RBMS3: variants seen among roughly 807,000 people sequenced by gnomAD.
RBMS3 encodes the protein RNA-binding motif, single-stranded-interacting protein 3.
A neutral mutation model predicts 66.8 loss-of-function variants in RBMS3; 27 were observed. The ratio of observed to expected loss-of-function variants is 0.40; its 90% CI spans 0.30 to 0.56. RBMS3 has a LOEUF of 0.56. Among genes scored for constraint, RBMS3 ranks in the 20% least tolerant of loss-of-function variants. The pLI, the probability that RBMS3 is intolerant of heterozygous loss-of-function variation, is 0.40. For missense variants in RBMS3, 513 were observed against 549.5 expected, an observed-to-expected ratio of 0.93 and a Z score of 0.66; for synonymous variants, 188 against 183.0, an observed-to-expected ratio of 1.03 and a Z score of -0.22.
chr3:29,976,852 G>A (rs1486964971), intron 12 of RBMS3, among the ~76,000 whole-genome samples: 3 of 145,738 alleles, frequency 2.1e-5, no homozygotes, highest in Admixed American at 1.3e-4. Context: ...CAAAAGTGTG[G>A]AATACCTCTG....
At chr3:29,629,776 A>G (rs879430925) in intron 4 of RBMS3, among the ~76,000 whole-genome samples, 3 of 152,104 alleles carry the variant, frequency 2.0e-5, no homozygotes, top group Non-Finnish European at 4.4e-5. Flanking sequence ...ATGTTAACTC[A>G]GAAACTAATT....
intron 3 of RBMS3, among the ~76,000 whole-genome samples, chr3:29,536,714 A>G (rs1200612930): frequency 6.6e-6 from 1 of 152,234 alleles, no homozygotes; most frequent in African/African-American, 2.4e-5. Context: ...TTTTCCAGGC[A>G]GGCCAATTAA....
chr3:29,717,244 A>G (rs775911286), intron 4 of RBMS3, among the ~76,000 whole-genome samples: 1 of 152,124 alleles, frequency 6.6e-6, no homozygotes, highest in Non-Finnish European at 1.5e-5. Flanking sequence ...TAAGTGCTCA[A>G]TAAAGAGTTG....
At chr3:29,495,321 A>C (rs1219155197) in intron 3 of RBMS3, among the ~76,000 whole-genome samples, 1 of 151,860 alleles carries the variant, frequency 6.6e-6, no homozygotes, top group Non-Finnish European at 1.5e-5. Context: ...TAGGCCATAC[A>C]CTTGGATGAC....
intron 4 of RBMS3, among the ~76,000 whole-genome samples, chr3:29,622,843 G>A (rs2048913344): frequency 6.6e-6 from 1 of 152,180 alleles, no homozygotes; most frequent in Non-Finnish European, 1.5e-5. Context: ...TCCCGGACAG[G>A]AGCGGTGGCT....
At chr3:29,518,531 G>C (rs1305261644) in intron 3 of RBMS3, among the ~76,000 whole-genome samples, 1 of 152,104 alleles carries the variant, frequency 6.6e-6, no homozygotes, top group Non-Finnish European at 1.5e-5. Context: ...ATTATTAAAG[G>C]TGCATCCTTT....
intron 12 of RBMS3, among the ~76,000 whole-genome samples, chr3:29,974,866 A>G (rs1026063134): frequency 1.9e-4 from 27 of 143,404 alleles, no homozygotes; most frequent in Non-Finnish European, 3.2e-4. Flanking sequence ...ATACGTTTCT[A>G]TATTTATATA....
intron 4 of RBMS3, among the ~76,000 whole-genome samples, chr3:29,728,992 A>T (rs1425649225): frequency 2.0e-5 from 3 of 151,990 alleles, no homozygotes; most frequent in Admixed American, 6.6e-5. Context: ...ATATATATAT[A>T]TTTTATTATA....
At chr3:29,518,737 G>A (rs902350823) in intron 3 of RBMS3, among the ~76,000 whole-genome samples, 1 of 152,092 alleles carries the variant, frequency 6.6e-6, no homozygotes, top group Non-Finnish European at 1.5e-5. Flanking sequence ...TGAAGGCAGA[G>A]GTCTACTTAT....
intron 14 of RBMS3, among the ~76,000 whole-genome samples, chr3:29,999,226 C>A (rs538498966): frequency 4.9e-4 from 75 of 152,260 alleles, no homozygotes; most frequent in African/African-American, 1.7e-3. Flanking sequence ...TCATGTTACA[C>A]CAGTTAGAAT....
At position 29,580,857 on chromosome 3, in the gene RBMS3, G is replaced by T. The variant is rs1423566060; in HGVS notation, c.308-6257G>T. Reference sequence around the variant, plus strand: ...TGGAATATGAGGGGACTCCAGTGGAGCAACCTGTTTTCTGTATAGTGGATA... The same window carrying T: ...TGGAATATGAGGGGACTCCAGTGGATCAACCTGTTTTCTGTATAGTGGATA... On this transcript the variant is annotated intron_variant, in intron 3 of 14. Coordinates refer to ENST00000383767, the MANE Select transcript of RBMS3 (RefSeq NM_001003793.3). Among the ~76,000 whole-genome samples the T allele has an allele frequency of 3.9e-5, 6 of 152,218 alleles. No homozygotes were observed. In the South Asian group the frequency reaches 8.3e-4, roughly 21 times the overall value.
At chr3:29,984,895 G>C (rs1437123061) in intron 12 of RBMS3, among the ~76,000 whole-genome samples, 2 of 152,170 alleles carry the variant, frequency 1.3e-5, no homozygotes, top group African/African-American at 4.8e-5. Context: ...ACCCACTTGA[G>C]GGACCCACTT....
In RBMS3 at chr3:30,005,438, G is replaced by T. The variant is rs1699781693; in HGVS notation, c.*1576G>T. The T allele has an allele frequency of 6.6e-6, 1 of 151,824 alleles. No individual in the cohort carries two copies. Among genetic ancestry groups the T allele is most frequent in the African/African-American group, 2.4e-5 (1 of 41,370 alleles). The allele number at this position is 151,824 out of a possible 1,614,324, so 9.4% of individuals were successfully genotyped here. ...AACCAAGATGCTTATTTAACAGGTG[G>T]AATATTCTTTATATGAAATTTCAGC... On this transcript the variant is annotated 3_prime_UTR_variant, in exon 15 of 15. Coordinates refer to ENST00000383767, the MANE Select transcript of RBMS3 (RefSeq NM_001003793.3).
At chr3:29,630,320 G>A (rs1026449843) in intron 4 of RBMS3, among the ~76,000 whole-genome samples, 2 of 152,028 alleles carry the variant, frequency 1.3e-5, no homozygotes, top group African/African-American at 4.8e-5. Flanking sequence ...GTTCAAGTTA[G>A]GAGAATTTTA....
At chr3:29,450,703 G>A (rs1200183315) in intron 2 of RBMS3, among the ~76,000 whole-genome samples, 1 of 151,970 alleles carries the variant, frequency 6.6e-6, no homozygotes, top group Non-Finnish European at 1.5e-5. Flanking sequence ...CCTGATGAAA[G>A]GTATGTATCC....
chr3:29,353,609 T>C (rs1383551614), intron 1 of RBMS3, among the ~76,000 whole-genome samples: 1 of 152,082 alleles, frequency 6.6e-6, no homozygotes, highest in Non-Finnish European at 1.5e-5. Flanking sequence ...CATCATGGAA[T>C]CTCTGTATAG....
intron 11 of RBMS3, among the ~76,000 whole-genome samples, chr3:29,938,385 T>A (rs2149692864): frequency 6.6e-6 from 1 of 152,070 alleles, no homozygotes; most frequent in East Asian, 1.9e-4. Context: ...TCCACTAGCT[T>A]TTTTCTTTTC....
chr3:29,575,159 C>A (rs112125139), intron 3 of RBMS3, among the ~76,000 whole-genome samples: 6,000 of 152,206 alleles, frequency 0.039, 170 homozygotes, highest in African/African-American at 0.085. Context: ...CACCCTTTAG[C>A]ATTTCTTATA....
chr3:29,639,132 C>T (rs1001449843), intron 4 of RBMS3, among the ~76,000 whole-genome samples: 12 of 151,680 alleles, frequency 7.9e-5, no homozygotes, highest in African/African-American at 2.9e-4. Context: ...CTGGGTGAGG[C>T]TTTAGGCACG....
Sources: allele counts gnomAD v4.1 joint callset (sites outside exome capture counted in the v4.1 genomes callset), GRCh38; gene constraint gnomAD v4.1.1; transcripts MANE v1.5; gene names NCBI Gene and HGNC (gene_info 2026-07-23, HGNC 2026-07-21).